PRKG1: variants seen among roughly 807,000 people sequenced by gnomAD.
PRKG1 encodes the protein cGMP-dependent protein kinase 1.
Under a neutral mutation model 88.1 loss-of-function variants are expected in PRKG1, and 35 were observed. That is an observed-to-expected ratio of 0.40 (90% CI 0.30 to 0.53). The LOEUF (loss-of-function observed/expected upper bound fraction) is 0.53. Ranked by LOEUF, PRKG1 falls within the 20% of genes least tolerant of loss-of-function variation. The pLI, the probability that PRKG1 is intolerant of heterozygous loss-of-function variation, is 0.59. For synonymous variants in PRKG1, 303 were observed against 292.5 expected (o/e 1.04, Z -0.37); for missense variants, 540 against 839.8 (o/e 0.64, Z 4.41).
chr10:52,012,074 C>T (rs1481458588), intron 5 of PRKG1, among the ~76,000 whole-genome samples: 1 of 152,132 alleles, frequency 6.6e-6, no homozygotes, highest in Non-Finnish European at 1.5e-5. Context: ...TGAAAATTGA[C>T]TAATACACCT....
At chr10:51,891,388 A>G (rs1841717396) in intron 4 of PRKG1, among the ~76,000 whole-genome samples, 2 of 152,214 alleles carry the variant, frequency 1.3e-5, no homozygotes, top group South Asian at 2.1e-4. Flanking sequence ...TTTTGAACCT[A>G]TATTTCCAAA....
At chr10:51,297,829 T>C (rs1329797449) in intron 2 of PRKG1, among the ~76,000 whole-genome samples, 1 of 152,136 alleles carries the variant, frequency 6.6e-6, no homozygotes, top group East Asian at 1.9e-4. Flanking sequence ...ATGATAATGA[T>C]TACGATAATG....
At chr10:51,642,645 T>C (rs1165998981) in intron 3 of PRKG1, among the ~76,000 whole-genome samples, 2 of 152,216 alleles carry the variant, frequency 1.3e-5, no homozygotes, top group African/African-American at 4.8e-5. Context: ...AGAGTTTGGA[T>C]CTACTAATCG....
At chr10:51,355,401 C>G (rs1015812926) in intron 2 of PRKG1, among the ~76,000 whole-genome samples, 1 of 152,026 alleles carries the variant, frequency 6.6e-6, no homozygotes, top group Non-Finnish European at 1.5e-5. Context: ...GTGACTTGTT[C>G]AAGACTATTC....
At chr10:52,133,383 C>A (rs897601419) in intron 7 of PRKG1, among the ~76,000 whole-genome samples, 1 of 151,968 alleles carries the variant, frequency 6.6e-6, no homozygotes, top group African/African-American at 2.4e-5. Context: ...AAAACAGGGT[C>A]TTTAAAGTAA....
chr10:51,580,597 T>A (rs10998325), intron 3 of PRKG1, among the ~76,000 whole-genome samples: 1 of 152,138 alleles, frequency 6.6e-6, no homozygotes, highest in African/African-American at 2.4e-5. Context: ...TAAGCTCTTG[T>A]CCAACACTTA....
At chr10:51,560,340 A>G (rs1837426375) in intron 3 of PRKG1, among the ~76,000 whole-genome samples, 1 of 152,148 alleles carries the variant, frequency 6.6e-6, no homozygotes, top group Non-Finnish European at 1.5e-5. Flanking sequence ...AAGCCAAGCT[A>G]ATTTCTAGAA....
At chr10:52,176,173 C>CTTTTTTTTTTTTTTTTT (rs140722137) in intron 9 of PRKG1, among the ~76,000 whole-genome samples, 1 of 95,674 alleles carries the variant, frequency 1.0e-5, no homozygotes, top group African/African-American at 3.8e-5. Flanking sequence ...TTCTTTTTCT[C>CTTTTTTTTTTTTTTTTT]TTTTTTTTTT....
rs181242594 is a variant in PRKG1, at chr10:51,681,875, G to C, written c.593-122710G>C. Among the ~76,000 whole-genome samples the C allele has an allele frequency of 4.5e-4, 69 of 152,218 alleles. 1 individual carries two copies. Among genetic ancestry groups the C allele is most frequent in the Admixed American group, 1.8e-3 (27 of 15,278 alleles). On this transcript the variant is annotated intron_variant, in intron 3 of 17. Transcript: ENST00000373980. ...CCACCTTTGAAACCAGGAAGAAAGAGCTTTCAAAAGTCCTTTCACTTCATT... is the reference window on the plus strand; with the variant it reads ...CCACCTTTGAAACCAGGAAGAAAGACCTTTCAAAAGTCCTTTCACTTCATT...
At chr10:51,509,493 G>T (rs1249188490) in intron 3 of PRKG1, among the ~76,000 whole-genome samples, 1 of 152,258 alleles carries the variant, frequency 6.6e-6, no homozygotes, top group East Asian at 1.9e-4. Context: ...CAAATTTAAG[G>T]TTGGTAGCAG....
intron 4 of PRKG1, among the ~76,000 whole-genome samples, chr10:51,847,828 TCAAGAC>T: frequency 1.9e-5 from 1 of 53,510 alleles, no homozygotes; most frequent in Non-Finnish European, 3.6e-5. Flanking sequence ...ATAGAGAGAC[TCAAGAC>T]TCTGTTAAAA....
At chr10:51,426,796 T>G (rs986530715) in intron 2 of PRKG1, among the ~76,000 whole-genome samples, 1 of 152,232 alleles carries the variant, frequency 6.6e-6, no homozygotes, top group Non-Finnish European at 1.5e-5. Context: ...TCATAAATTC[T>G]CATTCTGAGC....
intron 2 of PRKG1, among the ~76,000 whole-genome samples, chr10:51,388,366 C>G (rs944979003): frequency 3.9e-5 from 6 of 152,150 alleles, no homozygotes; most frequent in Non-Finnish European, 4.4e-5. Context: ...CAGATGCAAA[C>G]CCCCTGAATT....
At chr10:51,412,181 GAGA>G (rs1838107670) in intron 2 of PRKG1, among the ~76,000 whole-genome samples, 1 of 50,362 alleles carries the variant, frequency 2.0e-5, no homozygotes, top group Non-Finnish European at 4.7e-5. Flanking sequence ...GAGAGAGAGT[GAGA>G]GAGAGAGAGA....
At chr10:51,394,077 C>T (rs143799608) in intron 2 of PRKG1, among the ~76,000 whole-genome samples, 187 of 152,306 alleles carry the variant, frequency 1.2e-3, no homozygotes, top group Non-Finnish European at 2.3e-3. Context: ...ATCACAGGGG[C>T]TGAGAGCAGG....
chr10:52,085,686 T>A (rs1846894609), intron 7 of PRKG1, among the ~76,000 whole-genome samples: 1 of 152,172 alleles, frequency 6.6e-6, no homozygotes. Flanking sequence ...TATCTGTATA[T>A]TAAATGTGCT....
At chr10:51,721,623 ACAC>A (rs1331450607) in intron 3 of PRKG1, among the ~76,000 whole-genome samples, 1 of 152,222 alleles carries the variant, frequency 6.6e-6, no homozygotes, top group African/African-American at 2.4e-5. Context: ...CACGAGGCTC[ACAC>A]TCTCTGATAC....
chr10:51,822,078 A>T (rs1183437506), intron 4 of PRKG1, among the ~76,000 whole-genome samples: 1 of 152,066 alleles, frequency 6.6e-6, no homozygotes, highest in African/African-American at 2.4e-5. Context: ...GAATGAATAA[A>T]GAATATGTAT....
At chr10:51,428,470 C>A (rs908354592) in intron 2 of PRKG1, among the ~76,000 whole-genome samples, 6 of 152,124 alleles carry the variant, frequency 3.9e-5, no homozygotes, top group Admixed American at 3.9e-4. Context: ...GGCAAGCCCT[C>A]CACCCAAAAA....
Sources: allele counts gnomAD v4.1 joint callset (sites outside exome capture counted in the v4.1 genomes callset), GRCh38; gene constraint gnomAD v4.1.1; transcripts MANE v1.5; gene names NCBI Gene and HGNC (gene_info 2026-07-23, HGNC 2026-07-21).